Variants in HLCS observed in about 807,000 individuals in gnomAD.
HLCS encodes the protein biotin--protein ligase.
Under a neutral mutation model 75.0 loss-of-function variants are expected in HLCS, and 53 were observed. The observed-to-expected ratio is 0.71, with a 90% CI of 0.57 to 0.89. The LOEUF (loss-of-function observed/expected upper bound fraction) is 0.89. Among genes scored for constraint, HLCS ranks in the 40% least tolerant of loss-of-function variants. The probability of loss-of-function intolerance (pLI) is 0.00; values close to 1 mark genes in which losing one functional copy is unlikely to be tolerated. For missense variants in HLCS, 966 were observed against 1,074.0 expected (o/e 0.90, Z 1.41); for synonymous variants, 431 against 428.6 (o/e 1.01, Z -0.07).
At chr21:36,762,797 C>A (rs905671349) in intron 8 of HLCS, among the ~76,000 whole-genome samples, 10 of 152,244 alleles carry the variant, frequency 6.6e-5, no homozygotes, top group African/African-American at 2.4e-4. Flanking sequence ...AGGCAAGCTT[C>A]CCACTTCCAT....
chr21:36,889,037 C>T (rs566701543), intron 6 of HLCS, among the ~76,000 whole-genome samples: 20 of 152,270 alleles, frequency 1.3e-4, no homozygotes, highest in South Asian at 4.1e-4. Context: ...CTTCTGCAAA[C>T]GCACCGTCAG....
rs1306795234 is a variant in HLCS at position 36,754,044 on chromosome 21, ACTT to A, written c.*199_*201del. On this transcript the variant is annotated 3_prime_UTR_variant, in exon 11 of 11. Transcript: ENST00000674895. ...GGGCTTTCCCTAAACTAAATTTTCT[ACTT>A]CTTAACCATCTATCCCAGAGCCTCT... is the stretch of plus-strand genomic sequence containing the variant. 2.4e-5 allele frequency: 15 copies of A among 631,654 alleles called. No individual in the cohort carries two copies. The highest frequency in any genetic ancestry group is 4.1e-5 in the Non-Finnish European group (15 of 368,130). 39.1% of individuals were successfully genotyped at this position (631,654 alleles called of 1,614,324 possible).
intron 5 of HLCS, among the ~76,000 whole-genome samples, chr21:36,900,400 T>A (rs1354540509): frequency 6.6e-6 from 1 of 152,000 alleles, no homozygotes; most frequent in Admixed American, 6.6e-5. Flanking sequence ...AAGAGCCTGA[T>A]CAGGGCACAG....
chr21:36,765,923 A>C (rs1194812826), intron 7 of HLCS, among the ~76,000 whole-genome samples: 1 of 152,258 alleles, frequency 6.6e-6, no homozygotes, highest in African/African-American at 2.4e-5. Context: ...TTGGGATTAC[A>C]GGCATGAGCC....
intron 2 of HLCS, among the ~76,000 whole-genome samples, chr21:36,950,378 A>T (rs2067613533): frequency 6.6e-6 from 1 of 152,220 alleles, no homozygotes; most frequent in South Asian, 2.1e-4. Context: ...AAGACAGACA[A>T]AATAAGTGGA....
chr21:36,856,276 G>A (rs2063190319), intron 6 of HLCS, among the ~76,000 whole-genome samples: 1 of 152,190 alleles, frequency 6.6e-6, no homozygotes, highest in Non-Finnish European at 1.5e-5. Flanking sequence ...GGTCAAATTT[G>A]GTTGAAAAGC....
intron 6 of HLCS, among the ~76,000 whole-genome samples, chr21:36,828,763 C>T (rs2062098028): frequency 1.3e-5 from 2 of 152,156 alleles, no homozygotes; most frequent in Non-Finnish European, 2.9e-5. Flanking sequence ...CTTAAGTCCA[C>T]CATAAGCATA....
intron 6 of HLCS, among the ~76,000 whole-genome samples, chr21:36,857,877 C>G (rs993230227): frequency 2.0e-5 from 3 of 152,054 alleles, no homozygotes; most frequent in Admixed American, 1.3e-4. Context: ...GCAACCTCTC[C>G]CTCCCAGGTT....
At chr21:36,834,680 T>C (rs1601445188) in intron 6 of HLCS, among the ~76,000 whole-genome samples, 1 of 152,174 alleles carries the variant, frequency 6.6e-6, no homozygotes, top group African/African-American at 2.4e-5. Context: ...CTCAGCCTCC[T>C]GTGTAGCTGG....
At position 36,843,456 on chromosome 21, in the gene HLCS, C is replaced by T. The variant is rs376191803; in HGVS notation, c.1892+53404G>A. On this transcript the variant is annotated intron_variant, in intron 6 of 10. Coordinates refer to ENST00000674895, the MANE Select transcript of HLCS (RefSeq NM_001352514.2). ...CTGTCCTCCCCGCCCACCCCACCCC[C>T]GAAAAAAGAAACAAAGAAAGAAAAA... 1.4e-3 allele frequency among the ~76,000 whole-genome samples: 205 copies of T among 149,036 alleles called. 2 individuals carry two copies. The highest frequency in any genetic ancestry group is 4.8e-3 in the African/African-American group (195 of 40,488).
chr21:36,917,241 G>T (rs2065971415), intron 5 of HLCS, among the ~76,000 whole-genome samples: 1 of 152,162 alleles, frequency 6.6e-6, no homozygotes. Context: ...CCTTCATAAA[G>T]AATCAAAAAG....
At chr21:36,793,213 C>T (rs1173212019) in intron 6 of HLCS, among the ~76,000 whole-genome samples, 2 of 152,002 alleles carry the variant, frequency 1.3e-5, no homozygotes, top group South Asian at 2.1e-4. Context: ...CTACGACCCC[C>T]GCTGCTTACA....
intron 6 of HLCS, among the ~76,000 whole-genome samples, chr21:36,822,161 C>T (rs1488784863): frequency 6.6e-6 from 1 of 152,196 alleles, no homozygotes; most frequent in Admixed American, 6.5e-5. Context: ...GTGGCTCACA[C>T]CTGTAATCCC....
intron 5 of HLCS, among the ~76,000 whole-genome samples, chr21:36,900,338 A>G (rs1368194824): frequency 6.6e-6 from 1 of 152,144 alleles, no homozygotes; most frequent in Non-Finnish European, 1.5e-5. Flanking sequence ...CTATGTTTTT[A>G]TATTTATTTA....
chr21:36,848,791 A>G (rs17192962), intron 6 of HLCS, among the ~76,000 whole-genome samples: 8,961 of 152,238 alleles, frequency 0.059, 380 homozygotes, highest in East Asian at 0.18. Context: ...TGCTTTACAT[A>G]TTGAACTAAT....
chr21:36,888,444 AAATATATATATATATATATATATATAT>A (rs1305963130), intron 6 of HLCS, among the ~76,000 whole-genome samples: 10 of 25,526 alleles, frequency 3.9e-4, no homozygotes, highest in Admixed American at 1.6e-3. Flanking sequence ...AAAAAAAAAA[AAATATATATATATATATATATATATAT>A]ATATATATAT....
At chr21:36,921,185 G>A (rs925865268) in intron 5 of HLCS, among the ~76,000 whole-genome samples, 3 of 152,146 alleles carry the variant, frequency 2.0e-5, no homozygotes, top group South Asian at 2.1e-4. Flanking sequence ...AGTGGCTCAC[G>A]CCTGTAATCC....
chr21:36,983,219 T>C (rs1214761165), intron 1 of HLCS, among the ~76,000 whole-genome samples: 1 of 151,960 alleles, frequency 6.6e-6, no homozygotes, highest in Admixed American at 6.6e-5. Context: ...TGTTTATTTA[T>C]TTATTTAATG....
At chr21:36,775,053 A>G (rs1000641606) in intron 6 of HLCS, among the ~76,000 whole-genome samples, 1 of 152,176 alleles carries the variant, frequency 6.6e-6, no homozygotes, top group East Asian at 1.9e-4. Flanking sequence ...CAACACGGGA[A>G]TCGGGACTGT....
Sources: gnomAD v4.1 joint callset for allele counts (sites outside exome capture counted in the v4.1 genomes callset) on GRCh38, gnomAD v4.1.1 for gene constraint, MANE v1.5 for transcripts, NCBI Gene and HGNC (gene_info 2026-07-23, HGNC 2026-07-21) for gene names.